ARNT2: variants seen among roughly 807,000 people sequenced by gnomAD.
ARNT2 encodes aryl hydrocarbon receptor nuclear translocator 2.
In ARNT2, 36 loss-of-function variants were observed where a neutral mutation model predicts 91.7. The observed-to-expected ratio is 0.39, with a 90% confidence interval of 0.30 to 0.52. The LOEUF (loss-of-function observed/expected upper bound fraction) is 0.52. ARNT2 is among the 20% of genes least tolerant of loss of function. The probability of loss-of-function intolerance (pLI) is 0.72; values close to 1 mark genes in which losing one functional copy is unlikely to be tolerated. For synonymous variants in ARNT2, 365 were observed against 347.1 expected, an observed-to-expected ratio of 1.05 and a Z score of -0.57; for missense variants, 775 against 939.3, an observed-to-expected ratio of 0.83 and a Z score of 2.29.
At chr15:80,440,533 A>G (rs1384379693) in intron 1 of ARNT2, among the ~76,000 whole-genome samples, 2 of 152,234 alleles carry the variant, frequency 1.3e-5, no homozygotes, top group African/African-American at 4.8e-5. Flanking sequence ...GAGTGACACC[A>G]TAGTGTGCTG....
chr15:80,532,411 T>C (rs944076447), intron 8 of ARNT2, among the ~76,000 whole-genome samples: 2 of 152,158 alleles, frequency 1.3e-5, no homozygotes, highest in African/African-American at 4.8e-5. Flanking sequence ...CATTGTACCA[T>C]TGTGAGGCCC....
chr15:80,527,110 C>G (rs1228011618), intron 8 of ARNT2, among the ~76,000 whole-genome samples: 1 of 152,210 alleles, frequency 6.6e-6, no homozygotes, highest in African/African-American at 2.4e-5. Context: ...CTTCTGGCCT[C>G]TTTGTTCTCA....
At chr15:80,505,577 A>G (rs746006761) in intron 5 of ARNT2, among the ~76,000 whole-genome samples, 2 of 152,240 alleles carry the variant, frequency 1.3e-5, no homozygotes, top group African/African-American at 2.4e-5. Context: ...AGGAAGTACT[A>G]TTATTATCTT....
rs556698949 is a variant in ARNT2, at chr15:80,505,978, G to A, written c.623-2178G>A. Among the ~76,000 whole-genome samples the A allele has an allele frequency of 4.5e-3, 575 of 126,758 alleles. 9 individuals carry two copies. Among genetic ancestry groups the A allele is most frequent in the African/African-American group, 0.016 (521 of 32,632 alleles). 83.2% of individuals were successfully genotyped at this position (126,758 alleles called of 152,430 possible). A position where few individuals can be genotyped will look rare whatever the true frequency, so the allele number is the denominator to read the frequency against. ...GGAGTCTTGCTCTGTCGCCCAGGCC[G>A]TACTGCGGACCGCAGTGGCGCAATC... On this transcript the variant is annotated intron_variant, in intron 5 of 18. Transcript: ENST00000303329.
At chr15:80,482,215 G>T (rs1304013742) in intron 5 of ARNT2, among the ~76,000 whole-genome samples, 1 of 152,190 alleles carries the variant, frequency 6.6e-6, no homozygotes, top group East Asian at 1.9e-4. Flanking sequence ...GGGCCATCTT[G>T]CATGTTTCTA....
chr15:80,453,245 G>C (rs943787952), intron 2 of ARNT2, among the ~76,000 whole-genome samples: 1 of 152,200 alleles, frequency 6.6e-6, no homozygotes, highest in Non-Finnish European at 1.5e-5. Context: ...AGAGAGGAAG[G>C]AGGATGAGCA....
At chr15:80,552,194 A>G (rs974884124) in intron 9 of ARNT2, among the ~76,000 whole-genome samples, 2 of 152,228 alleles carry the variant, frequency 1.3e-5, no homozygotes, top group African/African-American at 4.8e-5. Context: ...ATGGGTGAAG[A>G]AAGAATATTT....
At chr15:80,464,343 G>T (rs1476452671) in intron 3 of ARNT2, among the ~76,000 whole-genome samples, 1 of 152,062 alleles carries the variant, frequency 6.6e-6, no homozygotes, top group Non-Finnish European at 1.5e-5. Context: ...TGCAAGGATC[G>T]ATTGCAGTCA....
intron 2 of ARNT2, among the ~76,000 whole-genome samples, chr15:80,455,176 G>A (rs924164518): frequency 1.3e-5 from 2 of 152,210 alleles, no homozygotes; most frequent in Non-Finnish European, 2.9e-5. Flanking sequence ...CTTGGCAGGT[G>A]TGGCTCTAAA....
At chr15:80,542,288 C>T (rs549319394) in intron 8 of ARNT2, among the ~76,000 whole-genome samples, 2 of 152,290 alleles carry the variant, frequency 1.3e-5, no homozygotes, top group Non-Finnish European at 2.9e-5. Flanking sequence ...GATTAAAATG[C>T]ATTCTTACAG....
intron 1 of ARNT2, chr15:80,441,266 C>T (rs1896183198): frequency 1.0e-6 from 1 of 985,064 alleles, no homozygotes. Context: ...AATACAAATG[C>T]AGCTACATTT....
intron 10 of ARNT2, 67 bp from the exon 11 acceptor site, chr15:80,554,998 A>T: frequency 6.8e-7 from 1 of 1,478,044 alleles, no homozygotes; most frequent in Non-Finnish European, 9.5e-7. Context: ...ACACTGTTGT[A>T]TCACAGTGAG....
chr15:80,561,734 A>G (rs950435557), intron 11 of ARNT2, among the ~76,000 whole-genome samples: 1 of 152,184 alleles, frequency 6.6e-6, no homozygotes, highest in Non-Finnish European at 1.5e-5. Flanking sequence ...TATACACACT[A>G]TGTTCACTAC....
chr15:80,431,646 T>G (rs1014643342), intron 1 of ARNT2, among the ~76,000 whole-genome samples: 6 of 152,226 alleles, frequency 3.9e-5, no homozygotes, highest in African/African-American at 1.4e-4. Context: ...GATTGTCTGT[T>G]CTTCCCTTGG....
At chr15:80,547,723 T>A (rs145927101) in intron 8 of ARNT2, among the ~76,000 whole-genome samples, 7 of 152,358 alleles carry the variant, frequency 4.6e-5, no homozygotes, top group Middle Eastern at 3.4e-3. Context: ...AAAGCTTGTA[T>A]CTGTCACCAT....
At chr15:80,571,320 G>A (rs1171877584) in intron 12 of ARNT2, among the ~76,000 whole-genome samples, 2 of 152,228 alleles carry the variant, frequency 1.3e-5, no homozygotes, top group African/African-American at 4.8e-5. Context: ...CAGATCACTT[G>A]TGTGCATTTG....
chr15:80,500,434 A>G (rs1375131976), intron 5 of ARNT2, among the ~76,000 whole-genome samples: 1 of 152,116 alleles, frequency 6.6e-6, no homozygotes, highest in Admixed American at 6.5e-5. Context: ...CCAAGATAAG[A>G]TGTTTCCAGT....
chr15:80,471,762 G>A (rs1486679697), intron 4 of ARNT2, among the ~76,000 whole-genome samples: 1 of 152,168 alleles, frequency 6.6e-6, no homozygotes, highest in African/African-American at 2.4e-5. Flanking sequence ...GGGTTAATCT[G>A]CTGCTTAGTG....
At chr15:80,530,524 A>G (rs1220571189) in intron 8 of ARNT2, among the ~76,000 whole-genome samples, 1 of 152,100 alleles carries the variant, frequency 6.6e-6, no homozygotes, top group East Asian at 1.9e-4. Context: ...TCTTCCCTCC[A>G]CCCATTCTTG....
Sources: allele counts gnomAD v4.1 joint callset (sites outside exome capture counted in the v4.1 genomes callset), GRCh38; gene constraint gnomAD v4.1.1; transcripts MANE v1.5; gene names NCBI Gene and HGNC (gene_info 2026-07-23, HGNC 2026-07-21).